Variants in SIPA1L1 observed in about 807,000 individuals in gnomAD.
SIPA1L1 encodes signal-induced proliferation-associated 1-like protein 1.
Under a neutral mutation model 162.7 loss-of-function variants are expected in SIPA1L1, and 26 were observed. That is an observed-to-expected ratio of 0.16 (90% confidence interval 0.12 to 0.22). The LOEUF is 0.22. SIPA1L1 is among the 10% of genes least tolerant of loss of function. SIPA1L1 has a pLI of 1.00. For missense variants in SIPA1L1, 1,874 were observed against 2,241.0 expected, an observed-to-expected ratio of 0.84 and a Z score of 3.31; for synonymous variants, 829 against 837.4, an observed-to-expected ratio of 0.99 and a Z score of 0.17.
At chr14:71,509,248 T>A (rs776204881) in intron 2 of SIPA1L1, among the ~76,000 whole-genome samples, 11 of 152,208 alleles carry the variant, frequency 7.2e-5, no homozygotes, top group Non-Finnish European at 1.2e-4. Context: ...GAATTTCTGT[T>A]TTTATTTTCT....
rs189149793 is a variant in SIPA1L1, at chr14:71,489,816, C to T, written c.-464-22927C>T. 1.1e-4 allele frequency among the ~76,000 whole-genome samples: 16 copies of T among 152,206 alleles called. No homozygotes were observed. In the East Asian group the frequency reaches 2.7e-3, roughly 26 times the overall value. On this transcript the variant is annotated intron_variant, in intron 2 of 23. Coordinates refer to ENST00000381232, the MANE Select transcript of SIPA1L1 (RefSeq NM_001386936.1). ...GCTGTCCTGGGCTGCATGTGGCCTG[C>T]GGGCTGTGGGTTGGACAGGCTTGTA...
intron 4 of SIPA1L1, among the ~76,000 whole-genome samples, chr14:71,555,922 A>G (rs2146403809): frequency 1.3e-5 from 2 of 152,356 alleles, no homozygotes; most frequent in Admixed American, 1.3e-4. Flanking sequence ...TCCCCAAAAG[A>G]TTAGTAGTAA....
At chr14:71,685,094 G>A (rs1374877788) in intron 12 of SIPA1L1, among the ~76,000 whole-genome samples, 2 of 152,166 alleles carry the variant, frequency 1.3e-5, no homozygotes, top group Non-Finnish European at 2.9e-5. Context: ...CACCCCCAGG[G>A]TGTCCGTGGG....
At position 71,661,398 on chromosome 14, in the gene SIPA1L1, G is replaced by A. The variant is rs1203352582; in HGVS notation, c.2186G>A (p.Arg729Gln). The A allele has an allele frequency of 1.2e-6, 2 of 1,613,784 alleles. No individual in the cohort carries two copies. Among genetic ancestry groups the A allele is most frequent in the Non-Finnish European group, 8.5e-7 (1 of 1,179,934 alleles). Reference protein sequence around the residue: ...GAQPFSPKNIRSHFQHVFVIV... With the variant: ...GAQPFSPKNIQSHFQHVFVIV... Reference sequence around the variant, plus strand: ...CAGCCATTCAGCCCAAAAAACATCCGATCCCACTTCCAGCACGTTTTCGTC... The same window carrying A: ...CAGCCATTCAGCCCAAAAAACATCCAATCCCACTTCCAGCACGTTTTCGTC... Residue 729 changes from arginine (R) to glutamine (Q), a missense_variant, in exon 10 of 24, where the codon CGA becomes CAA. Arg to Gln is a conservative substitution (Grantham distance 43, BLOSUM62 1). Coordinates refer to ENST00000381232, the MANE Select transcript of SIPA1L1 (RefSeq NM_001386936.1).
intron 5 of SIPA1L1, among the ~76,000 whole-genome samples, chr14:71,591,689 T>TCTTGTGAGCC (rs1388220214): frequency 6.6e-6 from 1 of 152,220 alleles, no homozygotes; most frequent in Non-Finnish European, 1.5e-5. Context: ...TTTGCCAAAC[T>TCTTGTGAGCC]CTTGTGAGAC....
intron 2 of SIPA1L1, among the ~76,000 whole-genome samples, chr14:71,423,695 A>G (rs1293374746): frequency 2.0e-5 from 3 of 152,110 alleles, no homozygotes; most frequent in Non-Finnish European, 4.4e-5. Context: ...CCAGTACCAT[A>G]TTGTTTTGAT....
At position 71,366,233 on chromosome 14, in the gene SIPA1L1, G is replaced by T. The variant is rs1025940901; in HGVS notation, c.-465+45052G>T. ...GACTTATCATGAAGTCTTAGTGGTG[G>T]TGTAGTCAAGACTAGAATCCAGGTC... On this transcript the variant is annotated intron_variant, in intron 2 of 23. Coordinates refer to ENST00000381232, the MANE Select transcript of SIPA1L1 (RefSeq NM_001386936.1). Among the ~76,000 whole-genome samples, 3 of 152,098 alleles carry T rather than the reference G, an allele frequency of 2.0e-5. No homozygotes were observed. In the East Asian group the frequency reaches 5.8e-4, roughly 29 times the overall value.
chr14:71,404,430 G>C (rs1566979252), intron 2 of SIPA1L1, among the ~76,000 whole-genome samples: 1 of 152,176 alleles, frequency 6.6e-6, no homozygotes, highest in African/African-American at 2.4e-5. Context: ...TGTAATCCCA[G>C]CTACTCAGGA....
chr14:71,427,820 C>T (rs555680334), intron 2 of SIPA1L1, among the ~76,000 whole-genome samples: 2 of 151,918 alleles, frequency 1.3e-5, no homozygotes, highest in East Asian at 1.9e-4. Flanking sequence ...AGTTTCTCTA[C>T]ATCTTCCTTT....
chr14:71,361,827 G>A (rs1289668726), intron 2 of SIPA1L1, among the ~76,000 whole-genome samples: 10 of 152,164 alleles, frequency 6.6e-5, no homozygotes, highest in African/African-American at 2.4e-4. Flanking sequence ...GTGCTTTAAG[G>A]ATTTAAGATT....
In SIPA1L1 at chr14:71,674,560, G is replaced by GT. The variant is rs1166044265; in HGVS notation, c.3104+1947dup. Among the ~76,000 whole-genome samples the GT allele has an allele frequency of 5.3e-3, 696 of 130,564 alleles. 6 individuals carry two copies. Among genetic ancestry groups the GT allele is most frequent in the African/African-American group, 6.3e-3 (220 of 34,756 alleles). 85.7% of individuals were successfully genotyped at this position (130,564 alleles called of 152,430 possible). A position where few individuals can be genotyped will look rare whatever the true frequency, so the allele number is the denominator to read the frequency against. On this transcript the variant is annotated intron_variant, in intron 12 of 23. Transcript: ENST00000381232. ...TTAGTAGCATTCCTGTTTTTTTTTT[G>GT]TTTTTTTTTGTTTTTTTTTTTTTAG...
At chr14:71,378,708 A>G (rs1036733299) in intron 2 of SIPA1L1, among the ~76,000 whole-genome samples, 6 of 151,708 alleles carry the variant, frequency 4.0e-5, no homozygotes, top group African/African-American at 1.2e-4. Context: ...TAATTGTTCT[A>G]TCACTGAGTG....
intron 2 of SIPA1L1, among the ~76,000 whole-genome samples, chr14:71,446,913 T>G (rs928526631): frequency 2.3e-5 from 3 of 129,420 alleles, no homozygotes; most frequent in African/African-American, 6.2e-5. Flanking sequence ...TTTGTTTTTT[T>G]TTTTTTTTTT....
rs199830053 is a variant in SIPA1L1, at chr14:71,542,368, C to CTGT, written c.-303+13000_-303+13001insTTG. Among the ~76,000 whole-genome samples the CTGT allele has an allele frequency of 2.2e-3, 160 of 71,918 alleles. 4 individuals are homozygous for CTGT. The East Asian group carries it at 0.14, about 64-fold the overall frequency. 47.2% of individuals were successfully genotyped at this position (71,918 alleles called of 152,430 possible). A position where few individuals can be genotyped will look rare whatever the true frequency, so the allele number is the denominator to read the frequency against. The stretch of plus-strand genomic sequence containing the variant: ...CCTTCTTTCCTCTTTCTTCTTCTTC[C>CTGT]TGCTGCTGCTGCTGCTGCTTCTTCC... On this transcript the variant is annotated intron_variant, in intron 4 of 23. Transcript: ENST00000381232.
At chr14:71,486,253 A>G (rs917737313) in intron 2 of SIPA1L1, among the ~76,000 whole-genome samples, 1 of 152,378 alleles carries the variant, frequency 6.6e-6, no homozygotes, top group East Asian at 1.9e-4. Context: ...AGGAACAGCT[A>G]TCTGACTATA....
In SIPA1L1 at chr14:71,544,019, A is replaced by G. The variant is rs529829610; in HGVS notation, c.-303+14649A>G. The stretch of plus-strand genomic sequence containing the variant: ...CACACACGCACATGTATATATACAC[A>G]TACGCACATGTATGTATATACACAC... On this transcript the variant is annotated intron_variant, in intron 4 of 23. Coordinates refer to ENST00000381232, the MANE Select transcript of SIPA1L1 (RefSeq NM_001386936.1). Among the ~76,000 whole-genome samples, 59 of 147,188 alleles carry G rather than the reference A, an allele frequency of 4.0e-4. 1 individual carries two copies. The South Asian group carries it at 8.1e-3, about 20-fold the overall frequency.
intron 2 of SIPA1L1, chr14:71,330,604 T>G: frequency 1.0e-6 from 1 of 995,348 alleles, no homozygotes; most frequent in South Asian, 1.3e-5. Flanking sequence ...TTCAGGAGGC[T>G]TCTTCAGTGT....
intron 2 of SIPA1L1, among the ~76,000 whole-genome samples, chr14:71,439,372 C>T (rs1043990646): frequency 2.6e-5 from 4 of 152,112 alleles, no homozygotes; most frequent in African/African-American, 9.7e-5. Flanking sequence ...GTGGAGCATT[C>T]TGTGTTTGTC....
At chr14:71,597,146 ATTTT>A (rs1171783579) in intron 5 of SIPA1L1, among the ~76,000 whole-genome samples, 1 of 150,522 alleles carries the variant, frequency 6.6e-6, no homozygotes, top group African/African-American at 2.4e-5. Context: ...ATTTTTTTAG[ATTTT>A]TTTTGTTTGT....
Sources: allele counts gnomAD v4.1 joint callset (sites outside exome capture counted in the v4.1 genomes callset), GRCh38; gene constraint gnomAD v4.1.1; transcripts MANE v1.5; gene names NCBI Gene and HGNC (gene_info 2026-07-23, HGNC 2026-07-21).